ADAMTSL1: variants seen among roughly 807,000 people sequenced by gnomAD.
ADAMTSL1 encodes the protein ADAMTS-like protein 1.
In ADAMTSL1, 126 loss-of-function variants were observed where a neutral mutation model predicts 201.8. The ratio of observed to expected loss-of-function variants is 0.62; its 90% CI spans 0.54 to 0.72. The LOEUF (loss-of-function observed/expected upper bound fraction) is 0.72. ADAMTSL1 is among the 30% of genes least tolerant of loss of function. The probability of loss-of-function intolerance (pLI) is 0.00; values close to 1 mark genes in which losing one functional copy is unlikely to be tolerated. For missense variants in ADAMTSL1, 2,679 were observed against 2,277.8 expected (o/e 1.18, Z -3.59); for synonymous variants, 1,121 against 903.4 (o/e 1.24, Z -4.32).
At chr9:18,260,119 G>A (rs997933202) in intron 2 of ADAMTSL1, among the ~76,000 whole-genome samples, 1 of 152,172 alleles carries the variant, frequency 6.6e-6, no homozygotes, top group Non-Finnish European at 1.5e-5. Flanking sequence ...TTATCCTTGG[G>A]AAAGCTTTAA....
chr9:18,443,252 G>A (rs1820066246), intron 2 of ADAMTSL1, among the ~76,000 whole-genome samples: 1 of 152,186 alleles, frequency 6.6e-6, no homozygotes, highest in Non-Finnish European at 1.5e-5. Flanking sequence ...TTCAGTTTTT[G>A]AGAAGCTTAA....
intron 8 of ADAMTSL1, among the ~76,000 whole-genome samples, chr9:18,659,089 A>G (rs1295944465): frequency 6.6e-6 from 1 of 152,246 alleles, no homozygotes; most frequent in East Asian, 1.9e-4. Flanking sequence ...AAATTAGCAC[A>G]TCAAATAAAT....
rs1278080477 is a variant in ADAMTSL1 at position 18,290,793 on chromosome 9, T to TTTTTTTG, written c.207+126813_207+126819dup. On this transcript the variant is annotated intron_variant, in intron 2 of 29. Transcript: ENST00000680146. ...GCTTTTTTTGTGTGTTTTTTTTTTT[T>TTTTTTTG]TTTTTTGAGGCAGAGTCTCGCTCTG... 5.0e-3 allele frequency among the ~76,000 whole-genome samples: 747 copies of TTTTTTTG among 150,518 alleles called. 13 individuals carry two copies. Among genetic ancestry groups the TTTTTTTG allele is most frequent in the African/African-American group, 0.017 (704 of 40,630 alleles).
chr9:18,546,249 T>C (rs777810249), intron 3 of ADAMTSL1, among the ~76,000 whole-genome samples: 1 of 152,120 alleles, frequency 6.6e-6, no homozygotes. Flanking sequence ...TTCAACTCAG[T>C]TGAGAGTTTT....
chr9:18,612,462 T>A lies in ADAMTSL1; in HGVS notation c.475-9781T>A, dbSNP rs541971309. Among the ~76,000 whole-genome samples the A allele has an allele frequency of 1.6e-4, 24 of 152,298 alleles. No homozygotes were observed. The East Asian group carries it at 4.3e-3, about 27-fold the overall frequency. On this transcript the variant is annotated intron_variant, in intron 4 of 28. Coordinates refer to ENST00000380548, the MANE Select transcript of ADAMTSL1 (RefSeq NM_001040272.6). The stretch of plus-strand genomic sequence containing the variant: ...CATTGAACACATATATTTTAGTTGC[T>A]TGCTGTATGCCAGGCACTGTTCTAG...
intron 23 of ADAMTSL1, among the ~76,000 whole-genome samples, chr9:18,859,679 C>T (rs1827086172): frequency 6.6e-6 from 1 of 152,188 alleles, no homozygotes; most frequent in South Asian, 2.1e-4. Context: ...ATCAGTGCTA[C>T]TTCAGTCATG....
intron 2 of ADAMTSL1, among the ~76,000 whole-genome samples, chr9:18,404,814 G>T (rs1315522423): frequency 4.6e-5 from 7 of 152,062 alleles, no homozygotes; most frequent in Non-Finnish European, 7.4e-5. Flanking sequence ...TAGGTGTTTT[G>T]GACTTCTTGG....
At chr9:18,828,808 G>A (rs531156660) in intron 22 of ADAMTSL1, among the ~76,000 whole-genome samples, 2 of 150,858 alleles carry the variant, frequency 1.3e-5, no homozygotes, top group Non-Finnish European at 3.0e-5. Flanking sequence ...AAGACTGAAG[G>A]TATGTTTTTC....
intron 2 of ADAMTSL1, among the ~76,000 whole-genome samples, chr9:18,426,249 A>G (rs1819216319): frequency 6.6e-6 from 1 of 152,190 alleles, no homozygotes; most frequent in Non-Finnish European, 1.5e-5. Flanking sequence ...TTATACATCC[A>G]GGAAGTCTCC....
At chr9:18,589,452 CA>C (rs1278410175) in intron 4 of ADAMTSL1, among the ~76,000 whole-genome samples, 2 of 152,004 alleles carry the variant, frequency 1.3e-5, no homozygotes, top group African/African-American at 4.8e-5. Flanking sequence ...TAAATTTGTT[CA>C]CAAGTTATAA....
intron 1 of ADAMTSL1, among the ~76,000 whole-genome samples, chr9:17,966,220 A>G (rs1299321515): frequency 6.6e-6 from 1 of 152,182 alleles, no homozygotes; most frequent in Non-Finnish European, 1.5e-5. Context: ...ACAAGCCCAT[A>G]GGAAACACAG....
rs200438691 is a variant in ADAMTSL1, at chr9:18,504,941, G to A, written c.176G>A (p.Arg59His). 1.3e-5 allele frequency: 21 copies of A among 1,608,728 alleles called. No individual in the cohort carries two copies. The East Asian group carries it at 4.7e-4, about 36-fold the overall frequency. Residue 59 changes from arginine (R) to histidine (H), a missense_variant, in exon 2 of 29, where the codon CGC becomes CAC. Transcript: ENST00000380548. ...CGGGASYSLR[R>H]CLSSKSCEGR... ...GGTGGGGCCTCCTACTCTCTGAGGCGCTGCCTGAGCAGCAAGTAAGTCCTG... is the reference window on the plus strand; with the variant it reads ...GGTGGGGCCTCCTACTCTCTGAGGCACTGCCTGAGCAGCAAGTAAGTCCTG...
At chr9:18,474,354 G>A in intron 1 of ADAMTSL1, 59 bp downstream of exon 1, 2 of 1,543,256 alleles carry the variant, frequency 1.3e-6, no homozygotes, top group Non-Finnish European at 1.8e-6. Context: ...TGCTGTTGGG[G>A]GTGTGTGTGT....
rs1821810928 is a variant in ADAMTSL1 at position 18,565,318 on chromosome 9, G to A, written c.238-8712G>A. ...TCCATATTATTTTCAAGGTCATAGA[G>A]TTATAAAGGTATAATTTCACTGAGC... On this transcript the variant is annotated intron_variant, in intron 3 of 28. Coordinates refer to ENST00000380548, the MANE Select transcript of ADAMTSL1 (RefSeq NM_001040272.6). 2.6e-5 allele frequency among the ~76,000 whole-genome samples: 4 copies of A among 152,152 alleles called. No individual in the cohort carries two copies. In the South Asian group the frequency reaches 8.3e-4, roughly 31 times the overall value.
intron 2 of ADAMTSL1, among the ~76,000 whole-genome samples, chr9:18,291,090 T>G (rs769490176): frequency 2.6e-5 from 4 of 152,184 alleles, no homozygotes; most frequent in Non-Finnish European, 5.9e-5. Flanking sequence ...CCACTAAAGC[T>G]GACTTATGAA....
At chr9:18,413,560 A>G (rs576257178) in intron 2 of ADAMTSL1, among the ~76,000 whole-genome samples, 20 of 152,362 alleles carry the variant, frequency 1.3e-4, no homozygotes, top group Non-Finnish European at 1.5e-4. Context: ...TCAACAAAAA[A>G]ATAATTTTAA....
chr9:18,618,348 A>G (rs1027825165), intron 4 of ADAMTSL1, among the ~76,000 whole-genome samples: 1 of 152,048 alleles, frequency 6.6e-6, no homozygotes, highest in African/African-American at 2.4e-5. Context: ...GCAAACCATT[A>G]TGTGTTTCAT....
chr9:18,074,647 A>G (rs1413005918), intron 1 of ADAMTSL1, among the ~76,000 whole-genome samples: 3 of 150,758 alleles, frequency 2.0e-5, no homozygotes, highest in African/African-American at 4.9e-5. Context: ...CTGGAGTGCA[A>G]TGGCATGATC....
At chr9:18,463,294 A>G (rs1168373077) in intron 2 of ADAMTSL1, among the ~76,000 whole-genome samples, 1 of 152,090 alleles carries the variant, frequency 6.6e-6, no homozygotes, top group African/African-American at 2.4e-5. Context: ...ATACAGGGGA[A>G]TTTCATTGAG....
Sources: gnomAD v4.1 joint callset for allele counts (sites outside exome capture counted in the v4.1 genomes callset) on GRCh38, gnomAD v4.1.1 for gene constraint, MANE v1.5 for transcripts, NCBI Gene and HGNC (gene_info 2026-07-23, HGNC 2026-07-21) for gene names.